DPP10: variants seen among roughly 807,000 people sequenced by gnomAD.
The protein encoded by DPP10 is inactive dipeptidyl peptidase 10.
DPP10 carries 33 observed loss-of-function variants against 120.9 expected under a neutral mutation model. The observed-to-expected ratio is 0.27, with a 90% CI of 0.21 to 0.37. The LOEUF (loss-of-function observed/expected upper bound fraction) is 0.37, where lower values mean the gene tolerates loss of function less well. Among genes scored for constraint, DPP10 ranks in the 10% least tolerant of loss-of-function variants. DPP10 has a pLI of 1.00. For synonymous variants in DPP10, 337 were observed against 326.1 expected (o/e 1.03, Z -0.36); for missense variants, 816 against 942.8 (o/e 0.87, Z 1.76).
intron 1 of DPP10, among the ~76,000 whole-genome samples, chr2:115,137,894 C>T (rs2050731186): frequency 6.6e-6 from 1 of 152,082 alleles, no homozygotes; most frequent in Non-Finnish European, 1.5e-5. Flanking sequence ...GCCAGTATTC[C>T]CACCAGGTCA....
intron 2 of DPP10, among the ~76,000 whole-genome samples, chr2:115,341,641 AT>A (rs1464064272): frequency 6.6e-6 from 1 of 152,106 alleles, no homozygotes; most frequent in African/African-American, 2.4e-5. Context: ...AACCACTGCT[AT>A]TTTTACTGTC....
chr2:115,730,888 T>A (rs1028227378), intron 8 of DPP10, among the ~76,000 whole-genome samples: 4 of 152,172 alleles, frequency 2.6e-5, no homozygotes, highest in Admixed American at 1.3e-4. Flanking sequence ...TACGTGTATG[T>A]GATTTAATCA....
At chr2:115,113,327 A>G (rs909729202) in intron 1 of DPP10, among the ~76,000 whole-genome samples, 4 of 152,106 alleles carry the variant, frequency 2.6e-5, no homozygotes, top group Middle Eastern at 3.4e-3. Flanking sequence ...TGCTTTTTAA[A>G]GTCTAAATGT....
rs556107962 is a variant in DPP10, at chr2:115,841,269, ATGTT to A, written c.2256+449_2256+452del. On this transcript the variant is annotated intron_variant, in intron 25 of 25. Transcript: ENST00000410059. The stretch of plus-strand genomic sequence containing the variant: ...TCTCATAATAAATAGTGGATAAAAA[ATGTT>A]TGGGGAAATATTACAAGAAAAGAAG... Among the ~76,000 whole-genome samples the A allele has an allele frequency of 2.2e-4, 34 of 152,102 alleles. 1 individual carries two copies. The South Asian group carries it at 6.8e-3, about 31-fold the overall frequency.
At chr2:115,222,150 C>G (rs901988170) in intron 1 of DPP10, among the ~76,000 whole-genome samples, 1 of 151,998 alleles carries the variant, frequency 6.6e-6, no homozygotes, top group Non-Finnish European at 1.5e-5. Flanking sequence ...GGGAAGAACT[C>G]TAATATCTTT....
At chr2:115,809,925 A>C (rs984041205) in intron 19 of DPP10, among the ~76,000 whole-genome samples, 1 of 152,228 alleles carries the variant, frequency 6.6e-6, no homozygotes, top group Non-Finnish European at 1.5e-5. Context: ...GCACTTTGGG[A>C]GGCCGAGGCA....
chr2:115,814,707 A>G (rs1687026942), intron 19 of DPP10, 86 bp from the exon 20 acceptor site: 8 of 1,108,604 alleles, frequency 7.2e-6, no homozygotes, highest in South Asian at 2.7e-5. Flanking sequence ...GTTCTTTCCC[A>G]TTACTTAACT....
At chr2:115,722,383 T>C (rs2092669903) in intron 7 of DPP10, among the ~76,000 whole-genome samples, 1 of 151,806 alleles carries the variant, frequency 6.6e-6, no homozygotes, top group African/African-American at 2.4e-5. Flanking sequence ...CCTTCCATAG[T>C]CTCTTCATGC....
At chr2:115,519,769 C>T (rs986741011) in intron 4 of DPP10, among the ~76,000 whole-genome samples, 2 of 152,130 alleles carry the variant, frequency 1.3e-5, no homozygotes, top group African/African-American at 4.8e-5. Flanking sequence ...TCAACTAGAT[C>T]GTAATCTTTT....
chr2:114,493,891 T>A (rs182098343), intron 1 of DPP10, among the ~76,000 whole-genome samples: 1 of 152,140 alleles, frequency 6.6e-6, no homozygotes, highest in Non-Finnish European at 1.5e-5. Flanking sequence ...ACCTGGCCTC[T>A]ACTGAATTTT....
At chr2:114,603,035 A>G (rs1370737331) in intron 1 of DPP10, among the ~76,000 whole-genome samples, 1 of 152,074 alleles carries the variant, frequency 6.6e-6, no homozygotes, top group South Asian at 2.1e-4. Flanking sequence ...TACATGCTAG[A>G]CAGTCCTCAT....
chr2:114,683,057 G>A (rs1265069315), intron 1 of DPP10, among the ~76,000 whole-genome samples: 1 of 151,900 alleles, frequency 6.6e-6, no homozygotes, highest in Admixed American at 6.6e-5. Flanking sequence ...TTTATTGAAT[G>A]TGTCTTATGG....
chr2:115,548,588 A>G (rs573246640), intron 5 of DPP10, among the ~76,000 whole-genome samples: 5 of 152,242 alleles, frequency 3.3e-5, no homozygotes, highest in South Asian at 4.1e-4. Context: ...AAGACCCATT[A>G]TTACTTCAAA....
At chr2:114,470,534 A>G (rs1486801609) in intron 1 of DPP10, among the ~76,000 whole-genome samples, 1 of 152,154 alleles carries the variant, frequency 6.6e-6, no homozygotes. Flanking sequence ...CTACAGGGAT[A>G]TTTCTTTTGG....
chr2:115,556,180 T>C (rs893655508), intron 5 of DPP10, among the ~76,000 whole-genome samples: 1 of 152,012 alleles, frequency 6.6e-6, no homozygotes. Context: ...CTTTTTTTTG[T>C]TTAATAGCCA....
chr2:115,078,694 T>C (rs998506750), intron 1 of DPP10, among the ~76,000 whole-genome samples: 8 of 152,206 alleles, frequency 5.3e-5, no homozygotes, highest in Admixed American at 3.3e-4. Context: ...AATTCTGAGT[T>C]TGCAATATAC....
chr2:114,521,032 A>G (rs2104655030), intron 1 of DPP10, among the ~76,000 whole-genome samples: 1 of 152,316 alleles, frequency 6.6e-6, no homozygotes, highest in East Asian at 1.9e-4. Flanking sequence ...AAGCACCGTG[A>G]GCAGAAGACC....
At chr2:114,628,501 A>C (rs1431182530) in intron 1 of DPP10, among the ~76,000 whole-genome samples, 1 of 152,168 alleles carries the variant, frequency 6.6e-6, no homozygotes, top group African/African-American at 2.4e-5. Context: ...AGACATAAAG[A>C]CCAAGTGAGA....
At chr2:115,516,838 CT>C (rs2077530935) in intron 4 of DPP10, among the ~76,000 whole-genome samples, 1 of 151,998 alleles carries the variant, frequency 6.6e-6, no homozygotes. Flanking sequence ...TATAAATGGA[CT>C]TTTTATCAAA....
Sources: allele counts gnomAD v4.1 joint callset (sites outside exome capture counted in the v4.1 genomes callset), GRCh38; gene constraint gnomAD v4.1.1; transcripts MANE v1.5; gene names NCBI Gene and HGNC (gene_info 2026-07-23, HGNC 2026-07-21).